The following EEF1A1 variants were observed in gnomAD, a reference collection of about 807,000 sequenced individuals.
EEF1A1 encodes elongation factor 1-alpha 1.
EEF1A1 carries 1 observed loss-of-function variant against 38.5 expected under a neutral mutation model. The ratio of observed to expected loss-of-function variants is 0.03; its 90% CI spans 0.01 to 0.12. EEF1A1 has a LOEUF of 0.12. Ranked by LOEUF, EEF1A1 falls within the 10% of genes least tolerant of loss-of-function variation. EEF1A1 has a pLI of 1.00. For missense variants in EEF1A1, 184 were observed against 588.3 expected (o/e 0.31, Z 7.11); for synonymous variants, 229 against 203.7 (o/e 1.12, Z -1.06).
intron 3 of EEF1A1, 40 bp downstream of exon 3, chr6:73,519,296 CT>C (rs1561963181): frequency 1.9e-6 from 3 of 1,606,782 alleles, no homozygotes; most frequent in South Asian, 2.2e-5. Flanking sequence ...CAAAGCAAGC[CT>C]TTTGGGATAA....
chr6:73,519,615 T>TC lies in EEF1A1; in HGVS notation c.145-100dup, dbSNP rs1765601493. The stretch of plus-strand genomic sequence containing the variant: ...TAATTGGCAGTTTCCACTTTACAAC[T>TC]CCAAGTCCAAAGTGATTTTAGTCAC... On this transcript the variant is annotated intron_variant, in intron 2 of 7. Coordinates refer to ENST00000309268, the MANE Select transcript of EEF1A1 (RefSeq NM_001402.6). The TC allele has an allele frequency of 3.7e-6, 5 of 1,350,392 alleles. No homozygotes were observed. In the Admixed American group the frequency reaches 1.1e-4, roughly 30 times the overall value. The allele number at this position is 1,350,392 out of a possible 1,614,324, so 83.7% of individuals were successfully genotyped here. A position where few individuals can be genotyped will look rare whatever the true frequency, so the allele number is the denominator to read the frequency against.
chr6:73,520,136 T>TA, intron 1 of EEF1A1, 80 bp from the exon 2 acceptor site: 1 of 1,370,394 alleles, frequency 7.3e-7, no homozygotes, highest in Non-Finnish European at 9.8e-7. Flanking sequence ...AAGGGCAAAT[T>TA]CCAAGGAGAA....
chr6:73,518,326 A>G (rs1874230), intron 6 of EEF1A1, 28 bp downstream of exon 6: 1,044,121 of 1,612,964 alleles, frequency 0.65, 346,007 homozygotes, highest in Non-Finnish European at 0.69. Flanking sequence ...AGCCTCTGCA[A>G]TAAGTTAATG....
At position 73,520,059 on chromosome 6, in the gene EEF1A1, G is replaced by A. The variant is rs1431978050; in HGVS notation, c.-30-3C>T. The A allele has an allele frequency of 2.5e-6, 4 of 1,577,778 alleles. No individual in the cohort carries two copies. The highest frequency in any genetic ancestry group is 2.2e-5 in the East Asian group (1 of 44,742). ...TTTAGGGGTAGTTTTCACGACACCT[G>A]AAATGGAAGAAAAAAACTTTGAACC... On this transcript the variant is annotated splice_region_variant and splice_polypyrimidine_tract_variant and intron_variant, in intron 1 of 7. Coordinates refer to ENST00000309268, the MANE Select transcript of EEF1A1 (RefSeq NM_001402.6).
intron 2 of EEF1A1, 32 bp downstream of exon 2, chr6:73,519,845 ATTTTAG>A (rs1335202507): frequency 6.2e-7 from 1 of 1,610,786 alleles, no homozygotes; most frequent in Non-Finnish European, 8.5e-7. Context: ...GGTAAAACTC[ATTTTAG>A]TTGATCTTTC....
At chr6:73,520,133 A>C (rs1413313811) in intron 1 of EEF1A1, 77 bp from the exon 2 acceptor site, 2 of 1,380,830 alleles carry the variant, frequency 1.4e-6, no homozygotes, top group Non-Finnish European at 1.9e-6. Flanking sequence ...AAAAAGGGCA[A>C]ATTCCAAGGA....
intron 6 of EEF1A1, 39 bp from the exon 7 acceptor site, chr6:73,518,303 C>T (rs1461803642): frequency 3.7e-6 from 6 of 1,610,874 alleles, no homozygotes; most frequent in Non-Finnish European, 5.1e-6. Flanking sequence ...AATCCAAAGT[C>T]TCAAATGACT....
At position 73,519,192 on chromosome 6, in the gene EEF1A1, C is replaced by G; in HGVS notation, c.361G>C (p.Gly121Arg). ...CAVLIVAAGV[G>R]EFEAGISKNG... Reference sequence around the variant, plus strand: ...TTGGAGATACCAGCTTCAAATTCACCAACACCAGCAGCAACAATCAGGACA... The same window carrying G: ...TTGGAGATACCAGCTTCAAATTCACGAACACCAGCAGCAACAATCAGGACA... The change falls in exon 4 of 8, where the codon GGT (glycine) becomes CGT (arginine). Residue 121 changes from glycine (G) to arginine (R), a missense_variant. This residue lies in a region of EEF1A1 where 57 missense variants were observed against 228.1 expected (regional missense o/e 0.25). Coordinates refer to ENST00000309268, the MANE Select transcript of EEF1A1 (RefSeq NM_001402.6). 1 of 1,600,148 alleles carries G rather than the reference C, an allele frequency of 6.2e-7. No individual in the cohort carries two copies. Among genetic ancestry groups the G allele is most frequent in the Non-Finnish European group, 8.5e-7 (1 of 1,177,434 alleles).
chr6:73,517,594 A>G lies in EEF1A1; in HGVS notation c.*216T>C, dbSNP rs113013917. On this transcript the variant is annotated 3_prime_UTR_variant, in exon 8 of 8. Coordinates refer to ENST00000309268, the MANE Select transcript of EEF1A1 (RefSeq NM_001402.6). ...AAGTTGTTTCCATTAAAAAGTACTG[A>G]TTTTAAAAACTAATAACTTAAAACT... is the stretch of plus-strand genomic sequence containing the variant. 6.0e-4 allele frequency: 254 copies of G among 426,536 alleles called. 1 individual carries two copies. Among genetic ancestry groups the G allele is most frequent in the African/African-American group, 4.6e-3 (229 of 49,318 alleles). 26.4% of individuals were successfully genotyped at this position (426,536 alleles called of 1,614,324 possible).
At chr6:73,519,660 CAAAAA>C in intron 2 of EEF1A1, 144 bp from the exon 3 acceptor site, 1 of 1,173,946 alleles carries the variant, frequency 8.5e-7, no homozygotes, top group South Asian at 1.6e-5. Context: ...CAGAAGCAAC[CAAAAA>C]TCAAACTTTT....
chr6:73,517,100 CT>C lies in EEF1A1; in HGVS notation c.*709del, dbSNP rs1484775324. 1 of 152,282 alleles carries C rather than the reference CT, an allele frequency of 6.6e-6. No individual in the cohort carries two copies. Among genetic ancestry groups the C allele is most frequent in the Non-Finnish European group, 1.5e-5 (1 of 68,114 alleles). The allele number at this position is 152,282 out of a possible 1,614,324, so 9.4% of individuals were successfully genotyped here. ...CATAGGGTGTACACTAGCCACTACACTTATTTCTTATGTCATGGCAAATAGT... is the reference window on the plus strand; with the variant it reads ...CATAGGGTGTACACTAGCCACTACACTATTTCTTATGTCATGGCAAATAGT... On this transcript the variant is annotated 3_prime_UTR_variant, in exon 8 of 8. Coordinates refer to ENST00000309268, the MANE Select transcript of EEF1A1 (RefSeq NM_001402.6).
chr6:73,516,522 G>A lies in EEF1A1; in HGVS notation c.*1288C>T, dbSNP rs1128073. On this transcript the variant is annotated 3_prime_UTR_variant, in exon 8 of 8. Coordinates refer to ENST00000309268, the MANE Select transcript of EEF1A1 (RefSeq NM_001402.6). ...GAAGTAGGAGAATTGCTTGAACCCAGGAGGAGGAGATTGCAGTGAGATTTT... is the reference window on the plus strand; with the variant it reads ...GAAGTAGGAGAATTGCTTGAACCCAAGAGGAGGAGATTGCAGTGAGATTTT... The A allele has an allele frequency of 6.6e-6, 1 of 151,770 alleles. No individual in the cohort carries two copies. Among genetic ancestry groups the A allele is most frequent in the Non-Finnish European group, 1.5e-5 (1 of 67,942 alleles). The allele number at this position is 151,770 out of a possible 1,614,324, so 9.4% of individuals were successfully genotyped here.
In EEF1A1 at chr6:73,518,570, A is replaced by C. The variant is rs1472794719; in HGVS notation, c.813T>G (p.Val271=). The C allele has an allele frequency of 6.2e-7, 1 of 1,613,660 alleles. No individual in the cohort carries two copies. The highest frequency in any genetic ancestry group is 1.3e-5 in the African/African-American group (1 of 74,906). ...TVPVGRVETG[V]LKPGMVVTFA... ...AGGTGACCACCATACCGGGTTTGAG[A>C]ACACCAGTCTCCACTCGGCCAACAG... The change falls in exon 6 of 8, where the codon GTT becomes GTG. Residue 271 remains valine, a synonymous_variant. Transcript: ENST00000309268.
In EEF1A1 at chr6:73,520,006, A is replaced by G; in HGVS notation, c.21T>C (p.His7=). Residue 7 remains histidine, a synonymous_variant, in exon 2 of 8, where the codon CAT becomes CAC. Coordinates refer to ENST00000309268, the MANE Select transcript of EEF1A1 (RefSeq NM_001402.6). MGKEKT[H]INIVVIGHVD... is the part of the protein sequence containing the mutation. ...CGTGTCCAATGACGACAATGTTGAT[A>G]TGAGTCTTTTCCTTTCCCATTTTGG... 2 of 1,598,900 alleles carry G rather than the reference A, an allele frequency of 1.3e-6. No homozygotes were observed. Among genetic ancestry groups the G allele is most frequent in the Non-Finnish European group, 8.5e-7 (1 of 1,179,478 alleles).
rs1331996408 is a variant in EEF1A1 at position 73,516,642 on chromosome 6, C to T, written c.*1168G>A. On this transcript the variant is annotated 3_prime_UTR_variant, in exon 8 of 8. Coordinates refer to ENST00000309268, the MANE Select transcript of EEF1A1 (RefSeq NM_001402.6). ...CAGAAAGCATGTCCTTTAATTTTAC[C>T]TATCCTTCAAACTTAAGCAAAAATT... 1 of 152,024 alleles carries T rather than the reference C, an allele frequency of 6.6e-6. No individual in the cohort carries two copies. Among genetic ancestry groups the T allele is most frequent in the Non-Finnish European group, 1.5e-5 (1 of 68,024 alleles). 9.4% of individuals were successfully genotyped at this position (152,024 alleles called of 1,614,324 possible). A position where few individuals can be genotyped will look rare whatever the true frequency, so the allele number is the denominator to read the frequency against.
At chr6:73,517,970 T>C (rs1765563513) in intron 7 of EEF1A1, 36 bp from the exon 8 acceptor site, 6 of 1,613,292 alleles carry the variant, frequency 3.7e-6, no homozygotes, top group Middle Eastern at 1.7e-4. Flanking sequence ...CCCAAAGTAC[T>C]GTTCAGTTGT....
intron 1 of EEF1A1, chr6:73,520,299 T>C: frequency 2.7e-6 from 1 of 366,192 alleles, no homozygotes; most frequent in South Asian, 3.7e-5. Flanking sequence ...CGGTACTCCG[T>C]GGAGTCACAT....
rs1305049407 is a variant in EEF1A1 at position 73,516,543 on chromosome 6, A to AT, written c.*1266dup. 1 of 152,082 alleles carries AT rather than the reference A, an allele frequency of 6.6e-6. No homozygotes were observed. Among genetic ancestry groups the AT allele is most frequent in the Admixed American group, 6.6e-5 (1 of 15,262 alleles). The allele number at this position is 152,082 out of a possible 1,614,324, so 9.4% of individuals were successfully genotyped here. A position where few individuals can be genotyped will look rare whatever the true frequency, so the allele number is the denominator to read the frequency against. ...CCCAGGAGGAGGAGATTGCAGTGAG[A>AT]TTTTGCCATTGCATTCTAGCCTGGG... On this transcript the variant is annotated 3_prime_UTR_variant, in exon 8 of 8. Coordinates refer to ENST00000309268, the MANE Select transcript of EEF1A1 (RefSeq NM_001402.6).
chr6:73,519,822 T>C, intron 2 of EEF1A1, 61 bp downstream of exon 2: 1 of 1,601,708 alleles, frequency 6.2e-7, no homozygotes, highest in Non-Finnish European at 8.5e-7. Flanking sequence ...GGAAATCACC[T>C]AATGATTCTG....
Sources: gnomAD v4.1 joint callset for allele counts on GRCh38, gnomAD v4.1.1 for gene constraint, gnomAD v4.1.1 regional missense constraint, MANE v1.5 for transcripts, NCBI Gene and HGNC (gene_info 2026-07-23, HGNC 2026-07-21) for gene names.